Variants in DCP1A observed in about 807,000 individuals in gnomAD.
The protein encoded by DCP1A is decapping mRNA 1A.
DCP1A carries 20 observed loss-of-function variants against 58.0 expected under a neutral mutation model. The ratio of observed to expected loss-of-function variants is 0.34; its 90% CI spans 0.24 to 0.50. DCP1A has a LOEUF of 0.50. Ranked by LOEUF, DCP1A falls within the 20% of genes least tolerant of loss-of-function variation. The pLI, the probability that DCP1A is intolerant of heterozygous loss-of-function variation, is 0.98. For synonymous variants in DCP1A, 285 were observed against 275.1 expected, an observed-to-expected ratio of 1.04 and a Z score of -0.36; for missense variants, 613 against 712.2, an observed-to-expected ratio of 0.86 and a Z score of 1.59.
intron 3 of DCP1A, among the ~76,000 whole-genome samples, chr3:53,333,379 C>T (rs1015754914): frequency 2.6e-5 from 4 of 152,028 alleles, no homozygotes; most frequent in Admixed American, 6.6e-5. Context: ...CTCCTGACCT[C>T]GTGATCCACC....
chr3:53,288,188 C>T lies in DCP1A; in HGVS notation c.1545G>A (p.Ser515=), dbSNP rs782496513. 21 of 1,613,776 alleles carry T rather than the reference C, an allele frequency of 1.3e-5. No homozygotes were observed. Among genetic ancestry groups the T allele is most frequent in the African/African-American group, 6.7e-5 (5 of 74,878 alleles). The stretch of plus-strand genomic sequence containing the variant: ...GGGAGCTGGCTTTCCTCTCAAGGTC[C>T]GAAGATCTTGTAACTGTCTGCTGGA... ...SVFQQTVTRS[S]DLERKASSPS... Residue 515 remains serine (S), a synonymous_variant, in exon 9 of 10, where the codon TCG becomes TCA. Coordinates refer to ENST00000610213, the MANE Select transcript of DCP1A (RefSeq NM_018403.7).
intron 6 of DCP1A, among the ~76,000 whole-genome samples, chr3:53,302,975 G>T (rs1707358276): frequency 6.6e-6 from 1 of 151,792 alleles, no homozygotes; most frequent in African/African-American, 2.4e-5. Flanking sequence ...TTGAGACAGG[G>T]CCTTGCTCTG....
In DCP1A at chr3:53,320,448, A is replaced by G. The variant is rs140512342; in HGVS notation, c.305-975T>C. Among the ~76,000 whole-genome samples, 978 of 152,310 alleles carry G rather than the reference A, an allele frequency of 6.4e-3. 9 individuals carry two copies. Among genetic ancestry groups the G allele is most frequent in the African/African-American group, 0.022 (916 of 41,566 alleles). On this transcript the variant is annotated intron_variant, in intron 3 of 9. Transcript: ENST00000610213. ...CGGATGGATAAGACCCATTGCTACC[A>G]TGTGGGCCCATATGATGACACACCT... is the stretch of plus-strand genomic sequence containing the variant.
chr3:53,344,989 C>T (rs782294433), intron 1 of DCP1A, 47 bp from the exon 2 acceptor site: 1 of 1,397,366 alleles, frequency 7.2e-7, no homozygotes, highest in African/African-American at 1.4e-5. Flanking sequence ...CATAATCAGA[C>T]CCCAAATAGT....
At chr3:53,336,736 G>A (rs1266544719) in intron 3 of DCP1A, among the ~76,000 whole-genome samples, 1 of 152,084 alleles carries the variant, frequency 6.6e-6, no homozygotes, top group African/African-American at 2.4e-5. Context: ...TTCTTGACCT[G>A]GGTAAGAAAT....
At chr3:53,303,776 A>C (rs1229588042) in intron 6 of DCP1A, among the ~76,000 whole-genome samples, 4 of 152,232 alleles carry the variant, frequency 2.6e-5, no homozygotes, top group African/African-American at 9.6e-5. Context: ...TGAGCAATGC[A>C]GAGTGACAGA....
At position 53,317,546 on chromosome 3, in the gene DCP1A, T is replaced by C. The variant is rs574480216; in HGVS notation, c.371+1861A>G. On this transcript the variant is annotated intron_variant, in intron 4 of 9. Transcript: ENST00000610213. ...CTAAAACAAGTGATCATCTAATAAA[T>C]GGCTATGTTGAAAAATGGTTTTAGC... 3.3e-5 allele frequency among the ~76,000 whole-genome samples: 5 copies of C among 152,296 alleles called. No homozygotes were observed. In the South Asian group the frequency reaches 1.0e-3, roughly 32 times the overall value.
intron 3 of DCP1A, among the ~76,000 whole-genome samples, chr3:53,337,645 T>C (rs2089139757): frequency 6.6e-6 from 1 of 152,258 alleles, no homozygotes; most frequent in South Asian, 2.1e-4. Flanking sequence ...GGATATATTC[T>C]GCAGCTTTTG....
Position 53,304,168 on chromosome 3 carries a change from T to C in DCP1A, c.624+9A>G, listed in dbSNP as rs782485111. 3.1e-6 allele frequency: 5 copies of C among 1,590,278 alleles called. No individual in the cohort carries two copies. The Admixed American group carries it at 8.5e-5, about 27-fold the overall frequency. On this transcript the variant is annotated intron_variant, in intron 6 of 9. Transcript: ENST00000610213. The stretch of plus-strand genomic sequence containing the variant: ...CTTAGGACAAAGCTAGAGCTTTAGC[T>C]GTACAAACCTTATCCTGTGACCCGG...
chr3:53,307,388 G>A (rs538212038), intron 5 of DCP1A, among the ~76,000 whole-genome samples: 9 of 152,174 alleles, frequency 5.9e-5, no homozygotes, highest in Middle Eastern at 3.4e-3. Flanking sequence ...AAACCTTATC[G>A]GCAATAACTG....
intron 6 of DCP1A, among the ~76,000 whole-genome samples, chr3:53,300,689 C>T (rs1186136752): frequency 6.6e-6 from 1 of 152,040 alleles, no homozygotes; most frequent in African/African-American, 2.4e-5. Flanking sequence ...CCTTGGTCGC[C>T]CAGGCTGGAG....
chr3:53,289,555 T>A (rs1225199951), intron 8 of DCP1A, among the ~76,000 whole-genome samples: 1 of 149,806 alleles, frequency 6.7e-6, no homozygotes, highest in Non-Finnish European at 1.5e-5. Context: ...GGGGTTGCAG[T>A]GAGCTGAGAT....
Position 53,286,789 on chromosome 3 carries a change from C to G in DCP1A, c.*791G>C, listed in dbSNP as rs562486418. ...GGCTGTGCTTCACACACAAACTTAG[C>G]ATTTTCAGAACCAATGGAGAGTTTA... is the stretch of plus-strand genomic sequence containing the variant. On this transcript the variant is annotated 3_prime_UTR_variant, in exon 10 of 10. Coordinates refer to ENST00000610213, the MANE Select transcript of DCP1A (RefSeq NM_018403.7). 6.6e-6 allele frequency: 1 copy of G among 152,328 alleles called. No individual in the cohort carries two copies. Among genetic ancestry groups the G allele is most frequent in the South Asian group, 2.1e-4 (1 of 4,828 alleles). 9.4% of individuals were successfully genotyped at this position (152,328 alleles called of 1,614,324 possible).
At chr3:53,333,651 T>A (rs1027201182) in intron 3 of DCP1A, among the ~76,000 whole-genome samples, 9 of 151,608 alleles carry the variant, frequency 5.9e-5, no homozygotes, top group East Asian at 2.0e-4. Context: ...AAAAAAAAAA[T>A]TTGTCTGCTT....
intron 3 of DCP1A, among the ~76,000 whole-genome samples, chr3:53,334,634 G>C (rs952324814): frequency 6.6e-6 from 1 of 152,098 alleles, no homozygotes; most frequent in Non-Finnish European, 1.5e-5. Context: ...ATCATTAAAA[G>C]CCAGAACCAA....
In DCP1A at chr3:53,331,060, T is replaced by C. The variant is rs148177733; in HGVS notation, c.304+11084A>G. Among the ~76,000 whole-genome samples, 967 of 152,252 alleles carry C rather than the reference T, an allele frequency of 6.4e-3. 9 individuals carry two copies. Among genetic ancestry groups the C allele is most frequent in the African/African-American group, 0.022 (910 of 41,548 alleles). The stretch of plus-strand genomic sequence containing the variant: ...TTTTAGTAGCAATGGGGTTTTACCA[T>C]GTTGGTCAGGCTGGTCTCAAACTCC... On this transcript the variant is annotated intron_variant, in intron 3 of 9. Transcript: ENST00000610213.
intron 5 of DCP1A, among the ~76,000 whole-genome samples, chr3:53,309,557 T>C (rs1205181048): frequency 2.0e-5 from 3 of 152,062 alleles, no homozygotes; most frequent in Non-Finnish European, 4.4e-5. Flanking sequence ...CCCAGGAGCT[T>C]GTCAAGATCA....
intron 3 of DCP1A, among the ~76,000 whole-genome samples, chr3:53,333,781 T>C (rs782532276): frequency 1.3e-5 from 2 of 152,220 alleles, no homozygotes; most frequent in African/African-American, 2.4e-5. Context: ...TTTTATCTTC[T>C]AGGTCACTTA....
intron 4 of DCP1A, among the ~76,000 whole-genome samples, chr3:53,315,788 C>CT (rs1559694596): frequency 8.7e-6 from 1 of 114,924 alleles, no homozygotes; most frequent in African/African-American, 3.3e-5. Context: ...GAGTCTCGCT[C>CT]TGTCGCCCAG....
Sources: allele counts gnomAD v4.1 joint callset (sites outside exome capture counted in the v4.1 genomes callset), GRCh38; gene constraint gnomAD v4.1.1; transcripts MANE v1.5; gene names NCBI Gene and HGNC (gene_info 2026-07-23, HGNC 2026-07-21).